CCDC85C: variants seen among roughly 807,000 people sequenced by gnomAD.
The protein encoded by CCDC85C is coiled-coil domain-containing protein 85C.
Under a neutral mutation model 38.3 loss-of-function variants are expected in CCDC85C, and 18 were observed. That is an observed-to-expected ratio of 0.47 (90% CI 0.33 to 0.70). CCDC85C has a LOEUF of 0.70. Among genes scored for constraint, CCDC85C ranks in the 30% least tolerant of loss-of-function variants. The pLI is 0.03. For synonymous variants in CCDC85C, 264 were observed against 293.8 expected (o/e 0.90, Z 1.04); for missense variants, 566 against 621.2 (o/e 0.91, Z 0.94).
rs983184896 is a variant in CCDC85C at position 99,516,243 on chromosome 14, C to G, written c.1115G>C (p.Ser372Thr). 3.2e-6 allele frequency: 5 copies of G among 1,551,196 alleles called. No individual in the cohort carries two copies. In the African/African-American group the frequency reaches 6.8e-5, roughly 21 times the overall value. Reference sequence around the variant, plus strand: ...CTTCTCACTCAGGTCCTCCTCACAGCTGTCCTGGAGCTGCCGGTCCAGATT... The same window carrying G: ...CTTCTCACTCAGGTCCTCCTCACAGGTGTCCTGGAGCTGCCGGTCCAGATT... Reference protein sequence around the residue: ...HENLDRQLQDSCEEDLSEKEK... With the variant: ...HENLDRQLQDTCEEDLSEKEK... Residue 372 changes from serine (S) to threonine (T), a missense_variant, in exon 5 of 6, where the codon AGC (serine) becomes ACC (threonine). Ser to Thr is a moderately conservative substitution (Grantham distance 58). Around this residue, in one of 3 missense-constraint regions of CCDC85C, gnomAD observed 286 missense variants for 276.4 expected, o/e 1.03. Transcript: ENST00000380243. This position sits in a 1 kb window ranked among gnomAD's most constrained non-coding sequence, Gnocchi z 5.5.
intron 2 of CCDC85C, among the ~76,000 whole-genome samples, chr14:99,523,613 C>G (rs1008502028): frequency 2.0e-5 from 3 of 152,194 alleles, no homozygotes; most frequent in Non-Finnish European, 4.4e-5. Context: ...CCAGGGCAGC[C>G]GGGCACTGGA....
chr14:99,591,734 CTTTT>C (rs66657278), intron 1 of CCDC85C, among the ~76,000 whole-genome samples: 2 of 130,460 alleles, frequency 1.5e-5, no homozygotes, highest in Non-Finnish European at 3.2e-5. Flanking sequence ...GGTTTCTTTT[CTTTT>C]TTTTTTTTTT....
chr14:99,519,103 T>A lies in CCDC85C; in HGVS notation c.976-1920A>T, dbSNP rs1297455890. Among the ~76,000 whole-genome samples, 5 of 90,792 alleles carry A rather than the reference T, an allele frequency of 5.5e-5. No individual in the cohort carries two copies. In the East Asian group the frequency reaches 1.5e-3, roughly 27 times the overall value. 59.6% of individuals were successfully genotyped at this position (90,792 alleles called of 152,430 possible). On this transcript the variant is annotated intron_variant, in intron 3 of 5. Transcript: ENST00000380243. ...TTTTTACATGTTCATACATGCCTTT[T>A]TTTTTTTTTTTTTTTTTTTTTTTTT... is the stretch of plus-strand genomic sequence containing the variant.
chr14:99,517,596 C>T (rs139166810), intron 3 of CCDC85C, among the ~76,000 whole-genome samples: 7 of 152,324 alleles, frequency 4.6e-5, no homozygotes, highest in Admixed American at 3.9e-4. Context: ...CTCCAAACTC[C>T]CTTCCCCTGC....
In CCDC85C at chr14:99,572,716, T is replaced by G; in HGVS notation, c.793+30451A>C. Reference sequence around the variant, plus strand: ...ATCTGTTTTCTGCTCTTCCTAGCACTCACCAGGATATGAAACTGTCCCATC... The same window carrying G: ...ATCTGTTTTCTGCTCTTCCTAGCACGCACCAGGATATGAAACTGTCCCATC... On this transcript the variant is annotated intron_variant, in intron 1 of 5. Transcript: ENST00000380243. This position sits in a 1 kb window ranked among gnomAD's most constrained non-coding sequence, Gnocchi z 4.4. 2.2e-6 allele frequency: 1 copy of G among 456,072 alleles called. No homozygotes were observed. The highest frequency in any genetic ancestry group is 1.5e-5 in the South Asian group (1 of 64,558). 28.3% of individuals were successfully genotyped at this position (456,072 alleles called of 1,614,324 possible).
At chr14:99,566,124 C>G (rs1311074215) in intron 1 of CCDC85C, among the ~76,000 whole-genome samples, 1 of 152,232 alleles carries the variant, frequency 6.6e-6, no homozygotes, top group Non-Finnish European at 1.5e-5. Flanking sequence ...GCTCTGTGCT[C>G]TCCCAGCCCT....
rs771565201 is a variant in CCDC85C at position 99,588,565 on chromosome 14, G to A, written c.793+14602C>T. Among the ~76,000 whole-genome samples, 3 of 152,242 alleles carry A rather than the reference G, an allele frequency of 2.0e-5. No individual in the cohort carries two copies. The highest frequency in any genetic ancestry group is 2.0e-4 in the Admixed American group (3 of 15,302). The stretch of plus-strand genomic sequence containing the variant: ...TCATTTTTATTCTGCTCCTGCTGGC[G>A]ATGGCGCTGGCCCGGGAGGCCTGAG... On this transcript the variant is annotated intron_variant, in intron 1 of 5. Coordinates refer to ENST00000380243, the MANE Select transcript of CCDC85C (RefSeq NM_001144995.2). The surrounding 1 kb of genome is among the most constrained non-coding windows in gnomAD (Gnocchi z 5.0).
chr14:99,570,597 G>A (rs1223671225), intron 1 of CCDC85C, among the ~76,000 whole-genome samples: 3 of 152,128 alleles, frequency 2.0e-5, no homozygotes, highest in Non-Finnish European at 2.9e-5. Flanking sequence ...GTGGGGCCAG[G>A]GATATAACCT....
At position 99,502,784 on chromosome 14, in the gene CCDC85C, C is replaced by T. The variant is rs1385735105; in HGVS notation, c.*12462G>A. The T allele has an allele frequency of 1.2e-6, 2 of 1,613,862 alleles. No individual in the cohort carries two copies. Among genetic ancestry groups the T allele is most frequent in the Non-Finnish European group, 1.7e-6 (2 of 1,179,812 alleles). Reference sequence around the variant, plus strand: ...ACAACAGATGCCTCATCACACCCCCCATCAGCTGCAACAGCCCCCATCTCT... The same window carrying T: ...ACAACAGATGCCTCATCACACCCCCTATCAGCTGCAACAGCCCCCATCTCT... On this transcript the variant is annotated 3_prime_UTR_variant, in exon 6 of 6. Transcript: ENST00000380243.
In CCDC85C at chr14:99,503,664, T is replaced by C; in HGVS notation, c.*11582A>G. The C allele has an allele frequency of 6.5e-7, 1 of 1,546,552 alleles. No individual in the cohort carries two copies. Among genetic ancestry groups the C allele is most frequent in the East Asian group, 2.4e-5 (1 of 41,948 alleles). ...CAGCAGGTAATTTCCTGTTCTGATG[T>C]TTTTTTAGTTTTATGTGTTTATATG... On this transcript the variant is annotated 3_prime_UTR_variant, in exon 6 of 6. Coordinates refer to ENST00000380243, the MANE Select transcript of CCDC85C (RefSeq NM_001144995.2).
chr14:99,523,339 G>C (rs536778875), intron 2 of CCDC85C, among the ~76,000 whole-genome samples: 61 of 152,284 alleles, frequency 4.0e-4, no homozygotes, highest in African/African-American at 1.3e-3. Flanking sequence ...GCTGGACCTG[G>C]CCCCGCACTT....
intron 1 of CCDC85C, among the ~76,000 whole-genome samples, chr14:99,543,844 G>C (rs949385729): frequency 6.6e-6 from 1 of 152,052 alleles, no homozygotes; most frequent in South Asian, 2.1e-4. Context: ...AGAGGGCATC[G>C]GGTTCCTGTG....
chr14:99,599,628 G>A (rs553735995), intron 1 of CCDC85C, among the ~76,000 whole-genome samples: 2 of 152,246 alleles, frequency 1.3e-5, no homozygotes, highest in South Asian at 2.1e-4. Flanking sequence ...AGTGGCTCAC[G>A]TCTGTAATCC....
At position 99,541,222 on chromosome 14, in the gene CCDC85C, G is replaced by A. The variant is rs184429186; in HGVS notation, c.794-5134C>T. Among the ~76,000 whole-genome samples the A allele has an allele frequency of 2.7e-4, 41 of 152,246 alleles. No individual in the cohort carries two copies. The South Asian group carries it at 3.7e-3, about 14-fold the overall frequency. On this transcript the variant is annotated intron_variant, in intron 1 of 5. Coordinates refer to ENST00000380243, the MANE Select transcript of CCDC85C (RefSeq NM_001144995.2). ...TGTTCTTAGCTGCCTCCCTGGCTCC[G>A]TCCCACCATCTCCCACCAGAAGGAG...
At chr14:99,554,847 G>A (rs1323546119) in intron 1 of CCDC85C, among the ~76,000 whole-genome samples, 3 of 152,222 alleles carry the variant, frequency 2.0e-5, no homozygotes, top group Non-Finnish European at 4.4e-5. Flanking sequence ...GTGACTCTGA[G>A]CAGGTTTCTT....
Position 99,502,020 on chromosome 14 carries a change from T to G in CCDC85C, c.*13226A>C. 1 of 558,508 alleles carries G rather than the reference T, an allele frequency of 1.8e-6. No homozygotes were observed. The highest frequency in any genetic ancestry group is 2.8e-6 in the Non-Finnish European group (1 of 351,344). 34.6% of individuals were successfully genotyped at this position (558,508 alleles called of 1,614,324 possible). A position where few individuals can be genotyped will look rare whatever the true frequency, so the allele number is the denominator to read the frequency against. The stretch of plus-strand genomic sequence containing the variant: ...TTTAAGGAATAGAGAAATTACTAAC[T>G]ATGGTTAAAGTAACTTAGTCGGGTA... On this transcript the variant is annotated 3_prime_UTR_variant, in exon 6 of 6. Coordinates refer to ENST00000380243, the MANE Select transcript of CCDC85C (RefSeq NM_001144995.2).
chr14:99,600,983 C>A (rs942617004), intron 1 of CCDC85C, among the ~76,000 whole-genome samples: 4 of 152,116 alleles, frequency 2.6e-5, no homozygotes, highest in African/African-American at 9.7e-5. Context: ...CATGAGTGTT[C>A]CATTGCACTC....
At chr14:99,563,379 A>G (rs1484205405) in intron 1 of CCDC85C, among the ~76,000 whole-genome samples, 3 of 152,250 alleles carry the variant, frequency 2.0e-5, no homozygotes, top group Non-Finnish European at 4.4e-5. Context: ...TGCTGTCAGG[A>G]CCCAGCAGGG....
chr14:99,597,198 A>T (rs1179171610), intron 1 of CCDC85C, among the ~76,000 whole-genome samples: 1 of 151,860 alleles, frequency 6.6e-6, no homozygotes, highest in Non-Finnish European at 1.5e-5. Flanking sequence ...CCCAAGCCAG[A>T]CTCCAAGAAT....
Sources: allele counts gnomAD v4.1 joint callset (sites outside exome capture counted in the v4.1 genomes callset), GRCh38; gene constraint gnomAD v4.1.1; regional missense constraint gnomAD v4.1.1; non-coding constraint Gnocchi (gnomAD v3.1); transcripts MANE v1.5; gene names NCBI Gene and HGNC (gene_info 2026-07-23, HGNC 2026-07-21).